The following FRMD4A variants were observed in gnomAD, a reference collection of about 807,000 sequenced individuals.
FRMD4A encodes FERM domain-containing protein 4A.
FRMD4A carries 29 observed loss-of-function variants against 129.1 expected under a neutral mutation model. The ratio of observed to expected loss-of-function variants is 0.22; its 90% CI spans 0.17 to 0.31. FRMD4A has a LOEUF of 0.31. Among genes scored for constraint, FRMD4A ranks in the 10% least tolerant of loss-of-function variants. The pLI, the probability that FRMD4A is intolerant of heterozygous loss-of-function variation, is 1.00. For missense variants in FRMD4A, 1,272 were observed against 1,375.8 expected (o/e 0.92, Z 1.19); for synonymous variants, 634 against 571.6 (o/e 1.11, Z -1.56).
chr10:14,108,076 A>G (rs1241239646), intron 2 of FRMD4A, among the ~76,000 whole-genome samples: 2 of 152,198 alleles, frequency 1.3e-5, no homozygotes, highest in Non-Finnish European at 2.9e-5. Flanking sequence ...CAATCTCTGC[A>G]AGTGCCTCAT....
intron 2 of FRMD4A, among the ~76,000 whole-genome samples, chr10:14,181,685 G>T (rs538797026): frequency 6.6e-6 from 1 of 152,278 alleles, no homozygotes; most frequent in South Asian, 2.1e-4. Context: ...ATTGTGAAAT[G>T]ATTACCATGA....
intron 3 of FRMD4A, among the ~76,000 whole-genome samples, chr10:13,815,849 T>G (rs1178846784): frequency 6.6e-6 from 1 of 152,214 alleles, no homozygotes; most frequent in Non-Finnish European, 1.5e-5. Context: ...AAGAGATGGC[T>G]TAACACACTG....
At position 13,788,074 on chromosome 10, in the gene FRMD4A, C is replaced by T. The variant is rs113440805; in HGVS notation, c.300-5068G>A. 9.6e-3 allele frequency among the ~76,000 whole-genome samples: 1,468 copies of T among 152,204 alleles called. 23 individuals are homozygous for T. The highest frequency in any genetic ancestry group is 0.033 in the African/African-American group (1,360 of 41,530). Reference sequence around the variant, plus strand: ...TTCAGAGGGTCTGCATGGACAGTTCCGAGTCTGGCTGTGTATTGACCATGG... The same window carrying T: ...TTCAGAGGGTCTGCATGGACAGTTCTGAGTCTGGCTGTGTATTGACCATGG... On this transcript the variant is annotated intron_variant, in intron 5 of 24. Coordinates refer to ENST00000357447, the MANE Select transcript of FRMD4A (RefSeq NM_018027.5).
chr10:13,930,211 G>A (rs1218705842), intron 2 of FRMD4A, among the ~76,000 whole-genome samples: 1 of 152,154 alleles, frequency 6.6e-6, no homozygotes, highest in Non-Finnish European at 1.5e-5. Context: ...AGGCTCAGCC[G>A]GGTCTGCACA....
At chr10:14,083,373 A>C (rs1377640367) in intron 2 of FRMD4A, 1 of 152,230 alleles carries the variant, frequency 6.6e-6, no homozygotes, top group Non-Finnish European at 1.5e-5. Context: ...TTGGTGAGGG[A>C]TGGATTCAGA....
chr10:14,078,021 G>A (rs1835711026), intron 2 of FRMD4A, among the ~76,000 whole-genome samples: 1 of 152,094 alleles, frequency 6.6e-6, no homozygotes, highest in South Asian at 2.1e-4. Context: ...ACATGATGGT[G>A]GACAATTTCA....
intron 8 of FRMD4A, among the ~76,000 whole-genome samples, chr10:13,749,041 C>A (rs1397075390): frequency 6.6e-6 from 1 of 152,178 alleles, no homozygotes; most frequent in Non-Finnish European, 1.5e-5. Flanking sequence ...CTCAGCAGGT[C>A]TGCATCCCCT....
intron 2 of FRMD4A, among the ~76,000 whole-genome samples, chr10:14,132,880 C>G (rs183381501): frequency 1.4e-4 from 22 of 152,254 alleles, no homozygotes; most frequent in Non-Finnish European, 2.8e-4. Flanking sequence ...GTGATCTACT[C>G]AATGGGAGTG....
At chr10:13,957,718 A>G (rs2095418262) in intron 2 of FRMD4A, among the ~76,000 whole-genome samples, 2 of 152,190 alleles carry the variant, frequency 1.3e-5, no homozygotes, top group African/African-American at 2.4e-5. Flanking sequence ...ATGTGAATTC[A>G]TTGGGTTGAA....
At chr10:13,831,806 T>C (rs938430705) in intron 3 of FRMD4A, among the ~76,000 whole-genome samples, 2 of 152,068 alleles carry the variant, frequency 1.3e-5, no homozygotes, top group Admixed American at 6.5e-5. Context: ...GGGTAGGAGA[T>C]CTCCCAGTTG....
chr10:14,092,425 T>A (rs1564283125), intron 2 of FRMD4A, among the ~76,000 whole-genome samples: 1 of 152,180 alleles, frequency 6.6e-6, no homozygotes, highest in Non-Finnish European at 1.5e-5. Flanking sequence ...GGGAGCCCAG[T>A]GAGGCAGGGC....
chr10:14,081,325 C>G (rs1020591260), intron 2 of FRMD4A, among the ~76,000 whole-genome samples: 3 of 152,138 alleles, frequency 2.0e-5, no homozygotes, highest in African/African-American at 7.2e-5. Context: ...GCCAATGTAC[C>G]TCCTTCAGGG....
At chr10:13,759,610 T>G (rs1279057675) in intron 8 of FRMD4A, among the ~76,000 whole-genome samples, 2 of 152,176 alleles carry the variant, frequency 1.3e-5, no homozygotes, top group Admixed American at 1.3e-4. Flanking sequence ...ACTTCAGAAA[T>G]CTTTGTAAGT....
At chr10:14,081,572 C>A (rs934259349) in intron 2 of FRMD4A, among the ~76,000 whole-genome samples, 1 of 152,290 alleles carries the variant, frequency 6.6e-6, no homozygotes, top group Admixed American at 6.5e-5. Context: ...AAAAATAAGT[C>A]AAGGTTCAGT....
intron 12 of FRMD4A, chr10:13,707,687 C>G (rs1247430156): frequency 1.0e-6 from 1 of 985,542 alleles, no homozygotes; most frequent in African/African-American, 1.7e-5. Context: ...GAGGCTGGGA[C>G]CTTATTTCGG....
rs1841599674 is a variant in FRMD4A, at chr10:14,173,874, T to G, written c.45+156184A>C. On this transcript the variant is annotated intron_variant, in intron 2 of 24. Transcript: ENST00000357447. Reference sequence around the variant, plus strand: ...GATCGCGCTGCCGTGCAGGCAAGCCTATTCTTTGAGAGATCCAGTTGCAAT... The same window carrying G: ...GATCGCGCTGCCGTGCAGGCAAGCCGATTCTTTGAGAGATCCAGTTGCAAT... Among the ~76,000 whole-genome samples the G allele has an allele frequency of 2.0e-5, 3 of 151,822 alleles. No individual in the cohort carries two copies. In the South Asian group the frequency reaches 6.2e-4, roughly 32 times the overall value.
intron 9 of FRMD4A, among the ~76,000 whole-genome samples, chr10:13,746,025 T>G (rs1044692487): frequency 6.6e-6 from 1 of 152,118 alleles, no homozygotes; most frequent in African/African-American, 2.4e-5. Flanking sequence ...TGGGGGCAGG[T>G]TATAATTAGA....
chr10:13,721,570 C>G (rs918679673), intron 12 of FRMD4A, among the ~76,000 whole-genome samples: 9 of 152,160 alleles, frequency 5.9e-5, no homozygotes, highest in African/African-American at 2.2e-4. Context: ...AGTGGCATCC[C>G]TTGTCCATAA....
chr10:14,033,105 G>A (rs1436679999), intron 2 of FRMD4A, among the ~76,000 whole-genome samples: 1 of 152,114 alleles, frequency 6.6e-6, no homozygotes, highest in African/African-American at 2.4e-5. Flanking sequence ...TCAGGAGTTC[G>A]AGATCAGCCT....
Sources: allele counts gnomAD v4.1 joint callset (sites outside exome capture counted in the v4.1 genomes callset), GRCh38; gene constraint gnomAD v4.1.1; transcripts MANE v1.5; gene names NCBI Gene and HGNC (gene_info 2026-07-23, HGNC 2026-07-21).